THAP4: variants seen among roughly 807,000 people sequenced by gnomAD.
THAP4 encodes the protein THAP domain containing 4.
THAP4 carries 18 observed loss-of-function variants against 48.1 expected under a neutral mutation model. That is an observed-to-expected ratio of 0.37 (90% CI 0.26 to 0.56). The LOEUF is 0.56. Ranked by LOEUF, THAP4 falls within the 20% of genes least tolerant of loss-of-function variation. The pLI is 0.78. For missense variants in THAP4, 656 were observed against 774.9 expected (o/e 0.85, Z 1.82); for synonymous variants, 345 against 324.9 (o/e 1.06, Z -0.66).
In THAP4 at chr2:241,605,238, A is replaced by G. The variant is rs538413632; in HGVS notation, c.1400+1076T>C. Among the ~76,000 whole-genome samples the G allele has an allele frequency of 3.3e-5, 5 of 152,318 alleles. No individual in the cohort carries two copies. In the East Asian group the frequency reaches 7.7e-4, roughly 23 times the overall value. On this transcript the variant is annotated intron_variant, in intron 3 of 5. Transcript: ENST00000407315. ...ATTTTTAAAAACAATGAGATCTTCT[A>G]AAAGGGGATGGAGGGTCTCAGAGCT...
chr2:241,611,184 G>A (rs1480024845), intron 2 of THAP4, among the ~76,000 whole-genome samples: 22 of 152,160 alleles, frequency 1.4e-4, no homozygotes, highest in Non-Finnish European at 8.8e-5. Context: ...CCCCTGAGAA[G>A]CCTCAGGGTC....
chr2:241,608,581 T>C (rs1368574453), intron 2 of THAP4, among the ~76,000 whole-genome samples: 3 of 152,278 alleles, frequency 2.0e-5, no homozygotes, highest in East Asian at 1.9e-4. Flanking sequence ...CTGAATCCAA[T>C]GTGTGGCCTC....
chr2:241,597,024 C>T (rs185023565), intron 5 of THAP4, among the ~76,000 whole-genome samples: 2 of 152,320 alleles, frequency 1.3e-5, no homozygotes, highest in African/African-American at 4.8e-5. Context: ...AGTAATTGTG[C>T]TACATTAGAT....
chr2:241,595,783 C>A (rs549512405), intron 5 of THAP4, among the ~76,000 whole-genome samples: 184 of 152,290 alleles, frequency 1.2e-3, no homozygotes, highest in Non-Finnish European at 2.1e-3. Flanking sequence ...CCTCCCTCTA[C>A]CAGCAGAGGG....
chr2:241,619,232 C>T (rs538803837), intron 2 of THAP4, among the ~76,000 whole-genome samples: 3 of 152,320 alleles, frequency 2.0e-5, no homozygotes, highest in South Asian at 4.1e-4. Flanking sequence ...CAAGGACACT[C>T]GAGGAATTTT....
intron 2 of THAP4, among the ~76,000 whole-genome samples, chr2:241,627,575 G>A (rs1427590730): frequency 6.6e-6 from 1 of 152,170 alleles, no homozygotes; most frequent in Non-Finnish European, 1.5e-5. Context: ...CTTCAGTTTG[G>A]GGAACCTGCC....
At chr2:241,599,272 T>A (rs900140619) in intron 5 of THAP4, among the ~76,000 whole-genome samples, 1 of 150,922 alleles carries the variant, frequency 6.6e-6, no homozygotes, top group Admixed American at 6.6e-5. Context: ...AAAAGCTACC[T>A]TCTTATCTAC....
chr2:241,619,832 G>A (rs376751899), intron 2 of THAP4, among the ~76,000 whole-genome samples: 8 of 91,022 alleles, frequency 8.8e-5, no homozygotes, highest in Non-Finnish European at 1.6e-4. Flanking sequence ...GTTGTGAGTC[G>A]TGAGTGAGGG....
intron 5 of THAP4, among the ~76,000 whole-genome samples, chr2:241,588,699 G>T (rs1247462599): frequency 2.0e-5 from 3 of 152,134 alleles, no homozygotes; most frequent in African/African-American, 7.2e-5. Context: ...TTCAACAAAT[G>T]GTGCTGGAAA....
intron 2 of THAP4, among the ~76,000 whole-genome samples, chr2:241,628,917 G>C (rs1414930785): frequency 1.1e-5 from 1 of 87,010 alleles, no homozygotes; most frequent in African/African-American, 4.9e-5. Context: ...TCCAGTCTGA[G>C]ATTGTCTCAA....
At chr2:241,585,940 A>AG in intron 5 of THAP4, among the ~76,000 whole-genome samples, 1 of 146,744 alleles carries the variant, frequency 6.8e-6, no homozygotes, top group Admixed American at 6.8e-5. Context: ...GAAAAAAAAA[A>AG]GAAAAAGAAA....
Position 241,636,928 on chromosome 2 carries a change from G to A in THAP4, c.77+13C>T. 4 of 1,238,394 alleles carry A rather than the reference G, an allele frequency of 3.2e-6. No homozygotes were observed. Among genetic ancestry groups the A allele is most frequent in the East Asian group, 6.4e-5 (1 of 15,626 alleles). 76.7% of individuals were successfully genotyped at this position (1,238,394 alleles called of 1,614,324 possible). ...GGTCGGGGCGGGGGCGTGGCGGCCC[G>A]GGGCCCGCGTACCTGTGGAAGGAGA... On this transcript the variant is annotated intron_variant, in intron 1 of 5. Transcript: ENST00000407315.
At chr2:241,613,594 AACT>A (rs2067304334) in intron 2 of THAP4, among the ~76,000 whole-genome samples, 1 of 152,008 alleles carries the variant, frequency 6.6e-6, no homozygotes, top group African/African-American at 2.4e-5. Context: ...TCTCTACCAG[AACT>A]ACAAAAAATT....
chr2:241,617,267 C>T (rs2067359939), intron 2 of THAP4: 2 of 648,922 alleles, frequency 3.1e-6, no homozygotes, highest in East Asian at 5.6e-5. Context: ...TTAAATAAAC[C>T]AGACAGGCTT....
At chr2:241,614,908 AAAAC>A (rs2067319118) in intron 2 of THAP4, among the ~76,000 whole-genome samples, 1 of 152,016 alleles carries the variant, frequency 6.6e-6, no homozygotes, top group African/African-American at 2.4e-5. Flanking sequence ...AACAAAAACA[AAAAC>A]AAAAACAAAA....
At chr2:241,637,203 C>A (rs1045838676), upstream of THAP4, 1 of 987,120 alleles carries the variant, frequency 1.0e-6, no homozygotes, top group Non-Finnish European at 1.2e-6. Context: ...CCCCAGCCCC[C>A]GCCCGCGTCC....
At chr2:241,600,547 G>A (rs1360105044) in intron 5 of THAP4, among the ~76,000 whole-genome samples, 2 of 151,884 alleles carry the variant, frequency 1.3e-5, no homozygotes, top group Admixed American at 6.6e-5. Flanking sequence ...CTAACACAGC[G>A]AAACCCCGTC....
intron 2 of THAP4, among the ~76,000 whole-genome samples, chr2:241,623,913 T>A (rs2067464948): frequency 6.6e-6 from 1 of 152,180 alleles, no homozygotes. Context: ...ACTGACCAAT[T>A]CTCTGATACC....
chr2:241,594,078 A>G (rs1285211052), intron 5 of THAP4, among the ~76,000 whole-genome samples: 1 of 152,238 alleles, frequency 6.6e-6, no homozygotes, highest in East Asian at 1.9e-4. Context: ...CCAATGGAAT[A>G]ATTCAGTCAT....
Sources: gnomAD v4.1 joint callset for allele counts (sites outside exome capture counted in the v4.1 genomes callset) on GRCh38, gnomAD v4.1.1 for gene constraint, MANE v1.5 for transcripts, NCBI Gene and HGNC (gene_info 2026-07-23, HGNC 2026-07-21) for gene names.